Variants in ARHGAP42 observed in about 807,000 individuals in gnomAD.
ARHGAP42 encodes the protein rho GTPase-activating protein 42.
In ARHGAP42, 63 loss-of-function variants were observed where a neutral mutation model predicts 125.0. The observed-to-expected ratio is 0.50, with a 90% CI of 0.41 to 0.62. The LOEUF is 0.62. ARHGAP42 is among the 20% of genes least tolerant of loss of function. The probability of loss-of-function intolerance (pLI) is 0.00; values close to 1 mark genes in which losing one functional copy is unlikely to be tolerated. For missense variants in ARHGAP42, 766 were observed against 1,024.2 expected, an observed-to-expected ratio of 0.75 and a Z score of 3.44; for synonymous variants, 339 against 351.0, an observed-to-expected ratio of 0.97 and a Z score of 0.38.
Position 100,976,082 on chromosome 11 carries a change from C to G in ARHGAP42, c.1881C>G (p.Asp627Glu). Residue 627 changes from aspartate (D) to glutamate (E), a missense_variant, in exon 20 of 24, where the codon GAC becomes GAG. Transcript: ENST00000298815. Reference protein sequence around the residue: ...PDSDSYSSSPDSTPMGSIESL... With the variant: ...PDSDSYSSSPESTPMGSIESL... Reference sequence around the variant, plus strand: ...GTGACTCCTATAGCAGCAGCCCAGACAGCACACCTATGGGGAGCATTGAGT... The same window carrying G: ...GTGACTCCTATAGCAGCAGCCCAGAGAGCACACCTATGGGGAGCATTGAGT... 6.5e-7 allele frequency: 1 copy of G among 1,540,074 alleles called. No individual in the cohort carries two copies. The highest frequency in any genetic ancestry group is 8.8e-7 in the Non-Finnish European group (1 of 1,141,256).
intron 22 of ARHGAP42, 38 bp downstream of exon 22, chr11:100,979,087 G>A: frequency 1.3e-6 from 2 of 1,540,772 alleles, no homozygotes; most frequent in Non-Finnish European, 1.8e-6. Flanking sequence ...CTAAAAAAAA[G>A]TGGTGACATT....
chr11:100,862,790 G>A (rs1052184881), intron 4 of ARHGAP42, among the ~76,000 whole-genome samples: 2 of 151,988 alleles, frequency 1.3e-5, no homozygotes, highest in Non-Finnish European at 2.9e-5. Flanking sequence ...TAGCACTTTC[G>A]GAGGCTGAGG....
intron 3 of ARHGAP42, among the ~76,000 whole-genome samples, chr11:100,858,547 G>A (rs1865377413): frequency 6.6e-6 from 1 of 152,020 alleles, no homozygotes; most frequent in Non-Finnish European, 1.5e-5. Flanking sequence ...CCAGTTTGAT[G>A]AAAATAAGGA....
At chr11:100,749,398 T>G (rs929499025) in intron 1 of ARHGAP42, among the ~76,000 whole-genome samples, 1 of 148,784 alleles carries the variant, frequency 6.7e-6, no homozygotes, top group African/African-American at 2.5e-5. Context: ...ACCTGGCCTG[T>G]CCCGGAAGAC....
At chr11:100,982,076 G>T (rs1381760134) in intron 22 of ARHGAP42, among the ~76,000 whole-genome samples, 1 of 152,168 alleles carries the variant, frequency 6.6e-6, no homozygotes, top group Non-Finnish European at 1.5e-5. Context: ...AAGGTACCTA[G>T]CAAGGAGGCT....
At chr11:100,872,036 C>A (rs1449879630) in intron 4 of ARHGAP42, among the ~76,000 whole-genome samples, 1 of 152,178 alleles carries the variant, frequency 6.6e-6, no homozygotes. Flanking sequence ...AGCCACTGCA[C>A]CCAGCCTGGT....
intron 1 of ARHGAP42, among the ~76,000 whole-genome samples, chr11:100,713,230 T>C (rs141953725): frequency 6.6e-6 from 1 of 152,336 alleles, no homozygotes; most frequent in Non-Finnish European, 1.5e-5. Context: ...TTATATACTA[T>C]TAGAAACAAA....
In ARHGAP42 at chr11:100,903,117, G is replaced by GCACACACACACACACACACA. The variant is rs1555021069; in HGVS notation, c.385-10315_385-10296dup. On this transcript the variant is annotated intron_variant, in intron 4 of 23. Transcript: ENST00000298815. ...TCCTCAATCTTGCTGTCCAAGATGCGCACACACACACACACACACACACAC... is the reference window on the plus strand; with the variant it reads ...TCCTCAATCTTGCTGTCCAAGATGCGCACACACACACACACACACACACACACACACACACACACACACAC... 7.2e-3 allele frequency among the ~76,000 whole-genome samples: 948 copies of GCACACACACACACACACACA among 131,980 alleles called. 21 individuals are homozygous for GCACACACACACACACACACA. Among genetic ancestry groups the GCACACACACACACACACACA allele is most frequent in the Non-Finnish European group, 9.6e-3 (602 of 62,736 alleles). The allele number at this position is 131,980 out of a possible 152,430, so 86.6% of individuals were successfully genotyped here.
chr11:100,927,918 A>T (rs1479095413), intron 6 of ARHGAP42, among the ~76,000 whole-genome samples: 1 of 152,198 alleles, frequency 6.6e-6, no homozygotes, highest in East Asian at 1.9e-4. Context: ...TTGACTGGCC[A>T]CTTTCCATTC....
chr11:100,876,842 C>T (rs565730147), intron 4 of ARHGAP42, among the ~76,000 whole-genome samples: 1 of 152,170 alleles, frequency 6.6e-6, no homozygotes. Flanking sequence ...GTTGATTTTA[C>T]GTCTTTCTCT....
chr11:100,790,454 A>G (rs967953701), intron 2 of ARHGAP42, among the ~76,000 whole-genome samples: 4 of 152,186 alleles, frequency 2.6e-5, no homozygotes, highest in Admixed American at 6.5e-5. Context: ...AAATTTATAT[A>G]TGAAACTATA....
intron 1 of ARHGAP42, among the ~76,000 whole-genome samples, chr11:100,738,843 G>A (rs1415976461): frequency 1.3e-5 from 2 of 152,174 alleles, no homozygotes; most frequent in Non-Finnish European, 2.9e-5. Flanking sequence ...AAAACAAACT[G>A]TGCCCGTTGC....
chr11:100,834,349 C>T (rs1339750703), intron 3 of ARHGAP42, among the ~76,000 whole-genome samples: 1 of 152,052 alleles, frequency 6.6e-6, no homozygotes, highest in Non-Finnish European at 1.5e-5. Context: ...GAATATTTTC[C>T]TTTATATGGA....
At chr11:100,973,969 A>T (rs1388975224) in intron 18 of ARHGAP42, among the ~76,000 whole-genome samples, 3 of 152,166 alleles carry the variant, frequency 2.0e-5, no homozygotes, top group Non-Finnish European at 2.9e-5. Context: ...ATCTAAGGGC[A>T]CAAGCTCTCT....
At chr11:100,852,971 G>C (rs1257295390) in intron 3 of ARHGAP42, among the ~76,000 whole-genome samples, 1 of 152,160 alleles carries the variant, frequency 6.6e-6, no homozygotes, top group Non-Finnish European at 1.5e-5. Context: ...CTGTTGGAAT[G>C]AAACAACTTC....
At chr11:100,819,150 A>G (rs144233214) in intron 3 of ARHGAP42, among the ~76,000 whole-genome samples, 1 of 152,316 alleles carries the variant, frequency 6.6e-6, no homozygotes, top group East Asian at 1.9e-4. Context: ...TTCACCAAAC[A>G]TAGCAGTGGA....
chr11:100,729,610 G>A (rs1056317181), intron 1 of ARHGAP42, among the ~76,000 whole-genome samples: 3 of 152,032 alleles, frequency 2.0e-5, no homozygotes, highest in Non-Finnish European at 4.4e-5. Flanking sequence ...AACTGTCCAT[G>A]TACCTAATTT....
At chr11:100,875,630 A>C (rs922164037) in intron 4 of ARHGAP42, among the ~76,000 whole-genome samples, 1 of 152,112 alleles carries the variant, frequency 6.6e-6, no homozygotes, top group African/African-American at 2.4e-5. Context: ...CACATGAAGA[A>C]CACGGTTGGT....
At chr11:100,741,822 C>G (rs1565550368) in intron 1 of ARHGAP42, among the ~76,000 whole-genome samples, 2 of 152,132 alleles carry the variant, frequency 1.3e-5, no homozygotes, top group Non-Finnish European at 2.9e-5. Context: ...TTATTTTGCC[C>G]TTAACTAATG....
Sources: allele counts gnomAD v4.1 joint callset (sites outside exome capture counted in the v4.1 genomes callset), GRCh38; gene constraint gnomAD v4.1.1; transcripts MANE v1.5; gene names NCBI Gene and HGNC (gene_info 2026-07-23, HGNC 2026-07-21).